Variants in MAP3K20 observed in about 807,000 individuals in gnomAD.
MAP3K20 encodes the protein mitogen-activated protein kinase kinase kinase 20, also known as HCCS-4.
MAP3K20 carries 40 observed loss-of-function variants against 85.7 expected under a neutral mutation model. That is an observed-to-expected ratio of 0.47 (90% confidence interval 0.36 to 0.61). The LOEUF is 0.61. MAP3K20 is among the 20% of genes least tolerant of loss of function. The pLI, the probability that MAP3K20 is intolerant of heterozygous loss-of-function variation, is 0.00. For synonymous variants in MAP3K20, 325 were observed against 327.7 expected, an observed-to-expected ratio of 0.99 and a Z score of 0.09; for missense variants, 817 against 961.7, an observed-to-expected ratio of 0.85 and a Z score of 1.99.
At position 173,267,079 on chromosome 2, in the gene MAP3K20, T is replaced by C. The variant is rs1267423446; in HGVS notation, c.*329T>C. ...AGGGCCAGGACAAGGGGAAGGAAAATGAGGTCAACAAAAAAATCAAATTTT... is the reference window on the plus strand; with the variant it reads ...AGGGCCAGGACAAGGGGAAGGAAAACGAGGTCAACAAAAAAATCAAATTTT... On this transcript the variant is annotated 3_prime_UTR_variant, in exon 20 of 20. Transcript: ENST00000375213. 1.1e-5 allele frequency: 2 copies of C among 185,824 alleles called. No individual in the cohort carries two copies. Among genetic ancestry groups the C allele is most frequent in the Non-Finnish European group, 2.2e-5 (2 of 90,712 alleles). The allele number at this position is 185,824 out of a possible 1,614,324, so 11.5% of individuals were successfully genotyped here.
intron 2 of MAP3K20, among the ~76,000 whole-genome samples, chr2:173,110,628 C>T (rs186262616): frequency 1.3e-5 from 2 of 151,906 alleles, no homozygotes; most frequent in Non-Finnish European, 2.9e-5. Context: ...TATGCATTTG[C>T]GTCCTCATAG....
At chr2:173,136,024 T>G in intron 2 of MAP3K20, among the ~76,000 whole-genome samples, 1 of 152,198 alleles carries the variant, frequency 6.6e-6, no homozygotes, top group Non-Finnish European at 1.5e-5. Flanking sequence ...AGTTTAGATA[T>G]TCATTGACAA....
At chr2:173,207,995 A>ATGAT (rs1411066152) in intron 9 of MAP3K20, among the ~76,000 whole-genome samples, 2 of 152,224 alleles carry the variant, frequency 1.3e-5, no homozygotes, top group African/African-American at 4.8e-5. Context: ...TATTTTAAGA[A>ATGAT]TGATTAAATG....
At chr2:173,236,268 A>T (rs1235685911) in intron 14 of MAP3K20, among the ~76,000 whole-genome samples, 6 of 41,656 alleles carry the variant, frequency 1.4e-4, no homozygotes, top group Admixed American at 2.2e-4. Flanking sequence ...ACCCTGTCTA[A>T]AAAAAAAAAA....
Position 173,232,195 on chromosome 2 carries a change from T to C in MAP3K20, c.1036T>C (p.Cys346Arg), listed in dbSNP as rs563182086. Reference protein sequence around the residue: ...IGAWTEDDVYCWVQQLVRKGD... With the variant: ...IGAWTEDDVYRWVQQLVRKGD... ...GTATGTGTCCTCTCTTTCACAGTAT[T>C]GTTGGGTTCAGCAGCTCGTCAGAAA... The change falls in exon 13 of 20, where the codon TGT (cysteine) becomes CGT (arginine). Residue 346 changes from cysteine to arginine, a missense_variant. By Grantham distance (180) the Cys-to-Arg change is radical. Coordinates refer to ENST00000375213, the MANE Select transcript of MAP3K20 (RefSeq NM_016653.3). 2.0e-5 allele frequency: 32 copies of C among 1,614,232 alleles called. No homozygotes were observed. Among genetic ancestry groups the C allele is most frequent in the Admixed American group, 1.0e-4 (6 of 60,022 alleles).
intron 11 of MAP3K20, chr2:173,221,419 G>T (rs1426186322): frequency 6.2e-7 from 1 of 1,614,074 alleles, no homozygotes; most frequent in South Asian, 1.1e-5. Flanking sequence ...AGAGAAGGGG[G>T]AAGAAAGTCA....
chr2:173,103,154 C>T (rs1405796354), intron 2 of MAP3K20, among the ~76,000 whole-genome samples: 4 of 152,118 alleles, frequency 2.6e-5, no homozygotes, highest in Admixed American at 2.6e-4. Context: ...AGTGAGCATC[C>T]GCTGCTGAAC....
intron 16 of MAP3K20, among the ~76,000 whole-genome samples, chr2:173,250,604 C>T (rs141404480): frequency 1.7e-3 from 258 of 152,282 alleles, no homozygotes; most frequent in African/African-American, 5.8e-3. Flanking sequence ...CTGTGAGCCA[C>T]GGCTAATGAG....
chr2:173,196,508 G>C (rs1197476804), intron 7 of MAP3K20, among the ~76,000 whole-genome samples: 2 of 152,160 alleles, frequency 1.3e-5, no homozygotes, highest in African/African-American at 4.8e-5. Flanking sequence ...TTGATTAAAA[G>C]CCCAAAGAGG....
At chr2:173,199,734 C>T (rs1248608053) in intron 8 of MAP3K20, among the ~76,000 whole-genome samples, 2 of 146,578 alleles carry the variant, frequency 1.4e-5, no homozygotes, top group African/African-American at 5.1e-5. Context: ...ATGTATAAGA[C>T]AGAATAATTA....
intron 7 of MAP3K20, chr2:173,197,704 C>T (rs897346778): frequency 1.3e-5 from 2 of 156,050 alleles, no homozygotes; most frequent in Admixed American, 6.5e-5. Flanking sequence ...ACAAAATATA[C>T]AATCTAATTT....
chr2:173,160,705 A>C (rs775746754), intron 2 of MAP3K20, among the ~76,000 whole-genome samples: 3 of 152,234 alleles, frequency 2.0e-5, no homozygotes, highest in Non-Finnish European at 4.4e-5. Flanking sequence ...CTAAATCAAT[A>C]ATTTCTCCTT....
chr2:173,208,093 A>G (rs1412181496), intron 9 of MAP3K20, among the ~76,000 whole-genome samples: 2 of 152,230 alleles, frequency 1.3e-5, no homozygotes, highest in Admixed American at 6.5e-5. Context: ...ATTAGTTCTT[A>G]TGCAAATGAT....
chr2:173,264,149 T>C (rs1685358851), intron 19 of MAP3K20, among the ~76,000 whole-genome samples: 1 of 152,208 alleles, frequency 6.6e-6, no homozygotes, highest in Admixed American at 6.5e-5. Context: ...CCAGACTTAC[T>C]GAATCAGAAC....
chr2:173,249,989 C>T (rs543414887), intron 16 of MAP3K20, among the ~76,000 whole-genome samples: 3 of 152,276 alleles, frequency 2.0e-5, no homozygotes, highest in Non-Finnish European at 2.9e-5. Flanking sequence ...TTATCTCCAC[C>T]GGTGTCTACT....
chr2:173,105,907 A>G lies in MAP3K20; in HGVS notation c.159+14717A>G, dbSNP rs150746753. On this transcript the variant is annotated intron_variant, in intron 2 of 19. Transcript: ENST00000375213. ...TGCACTTAAAATGGTTTAATTGGTA[A>G]GTTTTATGTTATGTACTATAATTTT... 9.8e-4 allele frequency among the ~76,000 whole-genome samples: 150 copies of G among 152,320 alleles called. 6 individuals are homozygous for G. Among genetic ancestry groups the G allele is most frequent in the Admixed American group, 8.6e-3 (131 of 15,292 alleles).
chr2:173,255,438 C>G (rs372423103), intron 16 of MAP3K20, among the ~76,000 whole-genome samples: 1 of 152,180 alleles, frequency 6.6e-6, no homozygotes, highest in East Asian at 1.9e-4. Flanking sequence ...TAGGAAAGTT[C>G]TTTAATCTTT....
chr2:173,103,088 A>G (rs1156254778), intron 2 of MAP3K20, among the ~76,000 whole-genome samples: 15 of 152,170 alleles, frequency 9.9e-5, no homozygotes, highest in Non-Finnish European at 1.5e-4. Context: ...AAAGAAATAT[A>G]TACTCATTTT....
intron 2 of MAP3K20, among the ~76,000 whole-genome samples, chr2:173,097,438 A>G (rs1448290948): frequency 6.6e-6 from 1 of 152,222 alleles, no homozygotes; most frequent in Non-Finnish European, 1.5e-5. Flanking sequence ...TAATAAATTG[A>G]ACAAGATATG....
Sources: gnomAD v4.1 joint callset for allele counts (sites outside exome capture counted in the v4.1 genomes callset) on GRCh38, gnomAD v4.1.1 for gene constraint, MANE v1.5 for transcripts, NCBI Gene and HGNC (gene_info 2026-07-23, HGNC 2026-07-21) for gene names.